PPP4R1: variants seen among roughly 807,000 people sequenced by gnomAD.
The protein encoded by PPP4R1 is serine/threonine-protein phosphatase 4 regulatory subunit 1.
A neutral mutation model predicts 111.2 loss-of-function variants in PPP4R1; 42 were observed. That is an observed-to-expected ratio of 0.38 (90% CI 0.29 to 0.49). The LOEUF is 0.49. Among genes scored for constraint, PPP4R1 ranks in the 20% least tolerant of loss-of-function variants. The probability of loss-of-function intolerance (pLI) is 0.97; values close to 1 mark genes in which losing one functional copy is unlikely to be tolerated. For missense variants in PPP4R1, 1,012 were observed against 1,161.6 expected, an observed-to-expected ratio of 0.87 and a Z score of 1.87; for synonymous variants, 409 against 405.5, an observed-to-expected ratio of 1.01 and a Z score of -0.10.
intron 11 of PPP4R1, 102 bp from the exon 12 acceptor site, chr18:9,563,652 C>CT (rs1210305794): frequency 2.7e-6 from 3 of 1,100,888 alleles, no homozygotes; most frequent in South Asian, 2.2e-5. Flanking sequence ...GAAATATATA[C>CT]TTTTTTGACA....
intron 14 of PPP4R1, among the ~76,000 whole-genome samples, chr18:9,559,052 A>G (rs1356551517): frequency 2.0e-5 from 3 of 152,220 alleles, no homozygotes; most frequent in Non-Finnish European, 2.9e-5. Context: ...AAATATTTTC[A>G]GATCTACTGT....
intron 10 of PPP4R1, 79 bp downstream of exon 10, chr18:9,576,985 G>C (rs755015366): frequency 5.6e-6 from 7 of 1,260,412 alleles, no homozygotes; most frequent in Non-Finnish European, 7.7e-6. Flanking sequence ...ATTTGTTGCA[G>C]AATAGTGGAA....
intron 10 of PPP4R1, 77 bp from the exon 11 acceptor site, chr18:9,570,760 CA>C: frequency 2.1e-6 from 3 of 1,417,208 alleles, no homozygotes; most frequent in South Asian, 2.9e-5. Flanking sequence ...AAAGATATTA[CA>C]TATAGCATTT....
intron 9 of PPP4R1, among the ~76,000 whole-genome samples, chr18:9,580,541 G>A (rs1464461825): frequency 1.3e-5 from 2 of 152,030 alleles, no homozygotes; most frequent in Admixed American, 6.6e-5. Flanking sequence ...TAGTAGAGAC[G>A]GGGTTTCACC....
At chr18:9,583,512 G>A (rs1419400805) in intron 8 of PPP4R1, among the ~76,000 whole-genome samples, 7 of 152,192 alleles carry the variant, frequency 4.6e-5, no homozygotes, top group Admixed American at 2.0e-4. Context: ...GATTACAGAC[G>A]TGTGCCACCA....
rs1360753303 is a variant in PPP4R1, at chr18:9,570,199, T to C, written c.1531A>G (p.Ile511Val). The C allele has an allele frequency of 1.3e-6, 2 of 1,545,830 alleles. No individual in the cohort carries two copies. Among genetic ancestry groups the C allele is most frequent in the African/African-American group, 1.4e-5 (1 of 71,936 alleles). The change falls in exon 11 of 20, where the codon ATA (isoleucine) becomes GTA (valine). Residue 511 changes from isoleucine to valine, a missense_variant. Transcript: ENST00000400556. ...TCAATGTGGGGCTCTAGATTTTCTA[T>C]CATTTCTTCCAGTTCCTTTCTGGTG... ...MATRKELEEM[I>V]ENLEPHIDDP...
intron 11 of PPP4R1, among the ~76,000 whole-genome samples, chr18:9,565,495 A>G (rs992528374): frequency 1.3e-5 from 2 of 152,236 alleles, no homozygotes; most frequent in East Asian, 3.9e-4. Flanking sequence ...AAAAGCTAGG[A>G]CACTTGTGCC....
chr18:9,573,414 T>C (rs1322177397), intron 10 of PPP4R1, among the ~76,000 whole-genome samples: 1 of 152,214 alleles, frequency 6.6e-6, no homozygotes, highest in Non-Finnish European at 1.5e-5. Context: ...AAAACAGTAT[T>C]TGGAAAATCT....
intron 2 of PPP4R1, among the ~76,000 whole-genome samples, chr18:9,602,560 A>C (rs1462209359): frequency 7.1e-6 from 1 of 141,460 alleles, no homozygotes; most frequent in Non-Finnish European, 1.5e-5. Context: ...AAAAAAAAAA[A>C]ACTTGCACCT....
chr18:9,549,438 T>C (rs2066453259), intron 18 of PPP4R1, 100 bp from the exon 19 acceptor site: 1 of 1,430,822 alleles, frequency 7.0e-7, no homozygotes, highest in Non-Finnish European at 9.5e-7. Flanking sequence ...GTACAAATTT[T>C]AGTTATTGCT....
intron 2 of PPP4R1, among the ~76,000 whole-genome samples, chr18:9,599,387 C>T (rs995005399): frequency 1.3e-5 from 2 of 152,010 alleles, no homozygotes; most frequent in Admixed American, 1.3e-4. Flanking sequence ...GCCAGTACAC[C>T]ACCTAAGTAA....
chr18:9,586,258 C>T (rs1032100711), intron 6 of PPP4R1, among the ~76,000 whole-genome samples: 3 of 151,682 alleles, frequency 2.0e-5, no homozygotes, highest in African/African-American at 7.3e-5. Context: ...CATAAGACTC[C>T]TACTAGCACT....
At chr18:9,584,213 T>C (rs1369731759) in intron 8 of PPP4R1, among the ~76,000 whole-genome samples, 1 of 152,196 alleles carries the variant, frequency 6.6e-6, no homozygotes, top group Non-Finnish European at 1.5e-5. Flanking sequence ...ATCAACATTC[T>C]TGAGGGTTGC....
intron 11 of PPP4R1, among the ~76,000 whole-genome samples, chr18:9,565,001 G>A (rs757663572): frequency 2.3e-4 from 35 of 152,044 alleles, no homozygotes; most frequent in Non-Finnish European, 4.0e-4. Context: ...ACACCACCAT[G>A]CTGGGCGTGA....
At chr18:9,549,906 G>A (rs898123553) in intron 18 of PPP4R1, 146 bp downstream of exon 18, 18 of 1,223,846 alleles carry the variant, frequency 1.5e-5, no homozygotes, top group Non-Finnish European at 2.0e-5. Context: ...CCAACAATGG[G>A]GGCAGATGAT....
intron 6 of PPP4R1, among the ~76,000 whole-genome samples, chr18:9,585,602 T>G (rs2067102768): frequency 1.3e-5 from 2 of 152,160 alleles, no homozygotes; most frequent in Non-Finnish European, 2.9e-5. Flanking sequence ...AAGAAAATTC[T>G]CTCTATTCAA....
chr18:9,562,745 A>G (rs1201203378), intron 12 of PPP4R1, among the ~76,000 whole-genome samples: 1 of 152,194 alleles, frequency 6.6e-6, no homozygotes, highest in Admixed American at 6.5e-5. Flanking sequence ...ATGATCTGTG[A>G]CCATGCGATT....
intron 2 of PPP4R1, among the ~76,000 whole-genome samples, chr18:9,602,962 T>A (rs1416864561): frequency 6.6e-6 from 1 of 152,226 alleles, no homozygotes; most frequent in Non-Finnish European, 1.5e-5. Flanking sequence ...AAATAATGGT[T>A]AAGACTTTTA....
chr18:9,583,187 G>A lies in PPP4R1; in HGVS notation c.848C>T (p.Thr283Ile). 1.2e-6 allele frequency: 2 copies of A among 1,612,046 alleles called. No individual in the cohort carries two copies. Among genetic ancestry groups the A allele is most frequent in the Non-Finnish European group, 1.7e-6 (2 of 1,178,544 alleles). The change falls in exon 9 of 20, where the codon ACA becomes ATA. Residue 283 changes from threonine (T) to isoleucine (I), a missense_variant. Transcript: ENST00000400556. Reference protein sequence around the residue: ...AECFMAVSCATCQEIRRTKLS... With the variant: ...AECFMAVSCAICQEIRRTKLS... ...TTTGGTCCGTCGGATTTCTTGACAT[G>A]TTGCACATGAAACCGCCATGAAGCA... is the stretch of plus-strand genomic sequence containing the variant.
Sources: allele counts gnomAD v4.1 joint callset (sites outside exome capture counted in the v4.1 genomes callset), GRCh38; gene constraint gnomAD v4.1.1; transcripts MANE v1.5; gene names NCBI Gene and HGNC (gene_info 2026-07-23, HGNC 2026-07-21).